TMEM272: variants seen among roughly 807,000 people sequenced by gnomAD.
TMEM272 encodes transmembrane protein 272.
Under a neutral mutation model 3.7 loss-of-function variants are expected in TMEM272, and 8 were observed. The ratio of observed to expected loss-of-function variants is 2.17; its 90% CI spans 1.27 to 3.91. TMEM272 has a LOEUF of 3.91. Ranked by LOEUF, TMEM272 falls within the 30% of genes most tolerant of loss-of-function variation. TMEM272 has a pLI of 0.00. For missense variants in TMEM272, 166 were observed against 91.5 expected (o/e 1.81, Z -3.32); for synonymous variants, 63 against 39.8 (o/e 1.58, Z -2.20).
chr13:51,821,503 G>A (rs979876608), intron 4 of TMEM272, among the ~76,000 whole-genome samples: 4 of 152,008 alleles, frequency 2.6e-5, no homozygotes, highest in African/African-American at 7.3e-5. Context: ...TCCTACCTCA[G>A]GCATAAGAAT....
the TMEM272 span, chr13:51,909,830 G>C: frequency 6.3e-7 from 1 of 1,589,252 alleles, no homozygotes; most frequent in Non-Finnish European, 8.6e-7. Flanking sequence ...TCAGAGTCTC[G>C]ATGTGATTTT....
the TMEM272 span, among the ~76,000 whole-genome samples, chr13:51,888,338 G>A: frequency 5.5e-4 from 84 of 152,074 alleles, no homozygotes; most frequent in African/African-American, 5.1e-4. Context: ...GAACCACTGC[G>A]CCCAGCCTAC....
the TMEM272 span, chr13:51,909,998 T>C: frequency 1.9e-6 from 3 of 1,546,958 alleles, no homozygotes; most frequent in Non-Finnish European, 2.7e-6. Flanking sequence ...AAGCATCTTG[T>C]ATTCCTATCT....
At chr13:51,886,239 C>T in the TMEM272 span, among the ~76,000 whole-genome samples, 1 of 152,154 alleles carries the variant, frequency 6.6e-6, no homozygotes, top group South Asian at 2.1e-4. Context: ...CAAAGAGGTG[C>T]TGAAGGAGAA....
At chr13:51,837,091 T>C (rs953867227) in intron 2 of TMEM272, among the ~76,000 whole-genome samples, 1 of 152,142 alleles carries the variant, frequency 6.6e-6, no homozygotes. Flanking sequence ...GAGTTATTCA[T>C]ACAACAAGGG....
the TMEM272 span, among the ~76,000 whole-genome samples, chr13:51,871,282 C>T: frequency 2.0e-5 from 3 of 151,830 alleles, no homozygotes; most frequent in African/African-American, 7.3e-5. Flanking sequence ...GCTCCACCTC[C>T]TGAGTTCACA....
intron 3 of TMEM272, among the ~76,000 whole-genome samples, chr13:51,826,138 C>CAAAAAAAAA (rs11295480): frequency 8.1e-6 from 1 of 123,204 alleles, no homozygotes; most frequent in Admixed American, 8.3e-5. Flanking sequence ...ATTCATTCAG[C>CAAAAAAAAA]AAAAAAAAAA....
the TMEM272 span, chr13:51,866,303 G>A: frequency 6.2e-6 from 3 of 484,300 alleles, no homozygotes; most frequent in African/African-American, 5.8e-5. Flanking sequence ...CCCACCTCTG[G>A]GCCACAGAGA....
the TMEM272 span, among the ~76,000 whole-genome samples, chr13:51,917,911 T>C: frequency 6.6e-6 from 1 of 152,196 alleles, no homozygotes; most frequent in African/African-American, 2.4e-5. Flanking sequence ...CTCCCACCTC[T>C]AGATGTTTCA....
the TMEM272 span, among the ~76,000 whole-genome samples, chr13:51,914,010 T>G: frequency 6.6e-6 from 1 of 152,194 alleles, no homozygotes; most frequent in African/African-American, 2.4e-5. Context: ...CAGGGAACAA[T>G]TAGCTGCCAT....
chr13:51,895,613 C>A, the TMEM272 span, among the ~76,000 whole-genome samples: 2 of 152,108 alleles, frequency 1.3e-5, no homozygotes, highest in African/African-American at 4.8e-5. Flanking sequence ...ACCAAGATAG[C>A]AGACCAGGCA....
At chr13:51,847,301 T>A (rs1956312150), upstream of TMEM272, among the ~76,000 whole-genome samples, 1 of 152,142 alleles carries the variant, frequency 6.6e-6, no homozygotes, top group Non-Finnish European at 1.5e-5. Flanking sequence ...CCACTTCCTG[T>A]CAGATCAGCA....
chr13:51,866,428 G>A, the TMEM272 span, among the ~76,000 whole-genome samples: 1 of 152,144 alleles, frequency 6.6e-6, no homozygotes, highest in African/African-American at 2.4e-5. Context: ...ATGCCAGCTA[G>A]AGACACACAG....
At chr13:51,853,783 A>G in the TMEM272 span, among the ~76,000 whole-genome samples, 3 of 152,254 alleles carry the variant, frequency 2.0e-5, no homozygotes, top group African/African-American at 7.2e-5. Context: ...GCATACACAG[A>G]ATAAAACCAA....
the TMEM272 span, chr13:51,933,838 T>C: frequency 6.6e-6 from 1 of 151,962 alleles, no homozygotes; most frequent in Non-Finnish European, 1.5e-5. Context: ...GGGGCAAACG[T>C]TTCAAGCACC....
upstream of TMEM272, among the ~76,000 whole-genome samples, chr13:51,848,528 T>C (rs543283192): frequency 6.6e-6 from 1 of 152,334 alleles, no homozygotes; most frequent in South Asian, 2.1e-4. Context: ...ATTGAATGAA[T>C]ACTGCTGACT....
At chr13:51,851,454 T>TC in the TMEM272 span, among the ~76,000 whole-genome samples, 13 of 149,868 alleles carry the variant, frequency 8.7e-5, no homozygotes, top group South Asian at 2.8e-3. Flanking sequence ...TGTAGTCATT[T>TC]TTTTTTTTCA....
chr13:51,858,883 C>G, the TMEM272 span, among the ~76,000 whole-genome samples: 1 of 152,286 alleles, frequency 6.6e-6, no homozygotes, highest in East Asian at 1.9e-4. Context: ...AGGTCCCGCC[C>G]CATCCACCCG....
At chr13:51,872,224 T>C in the TMEM272 span, among the ~76,000 whole-genome samples, 2 of 152,074 alleles carry the variant, frequency 1.3e-5, no homozygotes, top group African/African-American at 4.8e-5. Context: ...ATAAGAAAGA[T>C]ATTGCATCAC....
Sources: allele counts gnomAD v4.1 joint callset (sites outside exome capture counted in the v4.1 genomes callset), GRCh38; gene constraint gnomAD v4.1.1; transcripts MANE v1.5; gene names NCBI Gene and HGNC (gene_info 2026-07-23, HGNC 2026-07-21).